The following CNTNAP5 variants were observed in gnomAD, a reference collection of about 807,000 sequenced individuals.
The protein encoded by CNTNAP5 is contactin-associated protein-like 5.
A neutral mutation model predicts 150.2 loss-of-function variants in CNTNAP5; 72 were observed. The ratio of observed to expected loss-of-function variants is 0.48; its 90% CI spans 0.40 to 0.58. The LOEUF (loss-of-function observed/expected upper bound fraction) is 0.58. Ranked by LOEUF, CNTNAP5 falls within the 20% of genes least tolerant of loss-of-function variation. The pLI, the probability that CNTNAP5 is intolerant of heterozygous loss-of-function variation, is 0.00. For missense variants in CNTNAP5, 1,636 were observed against 1,626.2 expected, an observed-to-expected ratio of 1.01 and a Z score of -0.10; for synonymous variants, 672 against 619.8, an observed-to-expected ratio of 1.08 and a Z score of -1.25.
intron 3 of CNTNAP5, among the ~76,000 whole-genome samples, chr2:124,370,148 G>A (rs1201436680): frequency 6.6e-6 from 1 of 152,142 alleles, no homozygotes; most frequent in African/African-American, 2.4e-5. Context: ...GAGGAAAAGG[G>A]ATTCAAACAA....
chr2:124,504,396 G>T lies in CNTNAP5; in HGVS notation c.1167G>T (p.Gly389=). 1 of 1,613,922 alleles carries T rather than the reference G, an allele frequency of 6.2e-7. No individual in the cohort carries two copies. Among genetic ancestry groups the T allele is most frequent in the African/African-American group, 1.3e-5 (1 of 75,026 alleles). The change falls in exon 8 of 24, where the codon GGG becomes GGT. Residue 389 remains glycine, a synonymous_variant. Transcript: ENST00000682447. ...TGCCCGGCACCCCCCAAATTGATGG[G>T]CTCTCAGTGAGTTTCCAGTTTCGAA... The part of the protein sequence containing the change: ...LLLPGTPQID[G]LSVSFQFRTW...
chr2:124,786,254 C>T (rs1261850918), intron 17 of CNTNAP5, among the ~76,000 whole-genome samples: 1 of 147,718 alleles, frequency 6.8e-6, no homozygotes, highest in Non-Finnish European at 1.5e-5. Flanking sequence ...TAGAATATGA[C>T]TCTGTCTCAA....
At chr2:124,597,754 C>T (rs965498259) in intron 11 of CNTNAP5, among the ~76,000 whole-genome samples, 47 of 152,078 alleles carry the variant, frequency 3.1e-4, no homozygotes, top group African/African-American at 8.4e-4. Flanking sequence ...AACTTGGTTC[C>T]ATTCTCCGCA....
chr2:124,586,992 G>T (rs540052621), intron 11 of CNTNAP5, among the ~76,000 whole-genome samples: 1 of 152,216 alleles, frequency 6.6e-6, no homozygotes, highest in African/African-American at 2.4e-5. Flanking sequence ...AATGGTGAGT[G>T]GACTTGGACA....
intron 21 of CNTNAP5, among the ~76,000 whole-genome samples, chr2:124,872,503 ATT>A (rs574385022): frequency 0.069 from 9,886 of 144,306 alleles, 1,050 homozygotes; most frequent in African/African-American, 0.23. Flanking sequence ...TCAAAATAAG[ATT>A]TTTTTTTTTT....
At chr2:124,336,034 T>C (rs1255525044) in intron 3 of CNTNAP5, among the ~76,000 whole-genome samples, 4 of 151,586 alleles carry the variant, frequency 2.6e-5, no homozygotes, top group East Asian at 1.9e-4. Context: ...TCCCTCCTTA[T>C]AGGGATGAGG....
intron 1 of CNTNAP5, among the ~76,000 whole-genome samples, chr2:124,121,719 A>G (rs1436561330): frequency 2.6e-5 from 4 of 152,082 alleles, no homozygotes; most frequent in Non-Finnish European, 5.9e-5. Flanking sequence ...TCATTCCTAA[A>G]CTATCCCATG....
At chr2:124,883,564 A>G (rs1402789333) in intron 21 of CNTNAP5, among the ~76,000 whole-genome samples, 1 of 152,074 alleles carries the variant, frequency 6.6e-6, no homozygotes, top group African/African-American at 2.4e-5. Context: ...TCTTCTTTAT[A>G]ACTCTGGGTA....
chr2:124,785,054 AAAAC>A (rs1438243053), intron 17 of CNTNAP5, among the ~76,000 whole-genome samples: 5 of 150,534 alleles, frequency 3.3e-5, no homozygotes, highest in Non-Finnish European at 5.9e-5. Flanking sequence ...AAAAAAAAAA[AAAAC>A]AAAAGAAAAA....
rs1678714042 is a variant in CNTNAP5 at position 124,914,167 on chromosome 2, A to C, written c.3803A>C (p.Gln1268Pro). 1 of 1,612,476 alleles carries C rather than the reference A, an allele frequency of 6.2e-7. No homozygotes were observed. The highest frequency in any genetic ancestry group is 8.5e-7 in the Non-Finnish European group (1 of 1,178,968). Residue 1268 changes from glutamine (Q) to proline (P), a missense_variant, in exon 24 of 24, where the codon CAG becomes CCG. Physicochemically the swap from Gln to Pro is moderately conservative, Grantham distance 76. Coordinates refer to ENST00000682447, the MANE Select transcript of CNTNAP5 (RefSeq NM_001367498.1). Reference sequence around the variant, plus strand: ...ACCCGGTTCCTCTACCAGCACAAGCAGTCACATCGTACGAGCCAGATGAAG... The same window carrying C: ...ACCCGGTTCCTCTACCAGCACAAGCCGTCACATCGTACGAGCCAGATGAAG... ...IMTRFLYQHK[Q>P]SHRTSQMKEK... is the part of the protein sequence containing the mutation.
intron 8 of CNTNAP5, among the ~76,000 whole-genome samples, chr2:124,518,947 C>T (rs780455810): frequency 6.8e-6 from 1 of 146,072 alleles, no homozygotes; most frequent in Non-Finnish European, 1.5e-5. Flanking sequence ...CAAGATCATG[C>T]CACTGTACTT....
intron 13 of CNTNAP5, among the ~76,000 whole-genome samples, chr2:124,661,546 G>T (rs1678591161): frequency 1.4e-5 from 2 of 139,556 alleles, no homozygotes; most frequent in Non-Finnish European, 3.1e-5. Context: ...CCCCCGAAGG[G>T]CCTGCCTGAG....
intron 11 of CNTNAP5, among the ~76,000 whole-genome samples, chr2:124,605,391 A>T (rs1476782301): frequency 6.6e-6 from 1 of 152,236 alleles, no homozygotes; most frequent in Non-Finnish European, 1.5e-5. Flanking sequence ...TGCTAGCAGG[A>T]TCCTCTCTGT....
At chr2:124,839,977 GAC>G (rs1682913150) in intron 19 of CNTNAP5, among the ~76,000 whole-genome samples, 1 of 152,144 alleles carries the variant, frequency 6.6e-6, no homozygotes, top group Non-Finnish European at 1.5e-5. Flanking sequence ...GTAAAAAAGT[GAC>G]ACAGTTTTCT....
At chr2:124,748,798 G>A (rs552531206) in intron 14 of CNTNAP5, among the ~76,000 whole-genome samples, 19 of 152,280 alleles carry the variant, frequency 1.2e-4, no homozygotes, top group African/African-American at 3.4e-4. Flanking sequence ...CAGGTTACCC[G>A]AGTGCCTTCT....
chr2:124,391,158 T>C (rs1266029727), intron 3 of CNTNAP5, among the ~76,000 whole-genome samples: 1 of 152,212 alleles, frequency 6.6e-6, no homozygotes, highest in South Asian at 2.1e-4. Flanking sequence ...TCACAGAGAC[T>C]GTCTAGGAAA....
At chr2:124,429,760 G>C (rs959006586) in intron 4 of CNTNAP5, among the ~76,000 whole-genome samples, 1 of 152,190 alleles carries the variant, frequency 6.6e-6, no homozygotes, top group Non-Finnish European at 1.5e-5. Flanking sequence ...CACAGCTCCA[G>C]TGGCTGAGCA....
At chr2:124,694,884 G>T (rs1247757445) in intron 13 of CNTNAP5, among the ~76,000 whole-genome samples, 1 of 152,092 alleles carries the variant, frequency 6.6e-6, no homozygotes, top group Non-Finnish European at 1.5e-5. Flanking sequence ...TAAGACAAAA[G>T]TGAAACAATG....
chr2:124,786,310 GAAGA>G (rs1330399071), intron 17 of CNTNAP5, among the ~76,000 whole-genome samples: 1 of 140,582 alleles, frequency 7.1e-6, no homozygotes. Context: ...GAAAGAGAAA[GAAGA>G]AAGAAAGGAA....
Sources: allele counts gnomAD v4.1 joint callset (sites outside exome capture counted in the v4.1 genomes callset), GRCh38; gene constraint gnomAD v4.1.1; transcripts MANE v1.5; gene names NCBI Gene and HGNC (gene_info 2026-07-23, HGNC 2026-07-21).